Variants in TBX18 observed in about 807,000 individuals in gnomAD.
The protein encoded by TBX18 is T-box transcription factor 18.
TBX18 carries 21 observed loss-of-function variants against 55.0 expected under a neutral mutation model. The ratio of observed to expected loss-of-function variants is 0.38; its 90% CI spans 0.27 to 0.55. The LOEUF (loss-of-function observed/expected upper bound fraction) is 0.55. Ranked by LOEUF, TBX18 falls within the 20% of genes least tolerant of loss-of-function variation. The probability of loss-of-function intolerance (pLI) is 0.73; values close to 1 mark genes in which losing one functional copy is unlikely to be tolerated. For synonymous variants in TBX18, 342 were observed against 326.1 expected (o/e 1.05, Z -0.53); for missense variants, 840 against 799.6 (o/e 1.05, Z -0.61).
intron 4 of TBX18, among the ~76,000 whole-genome samples, chr6:84,752,627 A>G (rs1455278764): frequency 6.6e-6 from 1 of 152,232 alleles, no homozygotes; most frequent in Non-Finnish European, 1.5e-5. Context: ...CCCTCAGAGA[A>G]TGAAAGTGAC....
chr6:84,743,966 A>T (rs1308423221), intron 6 of TBX18, among the ~76,000 whole-genome samples: 5 of 152,216 alleles, frequency 3.3e-5, no homozygotes, highest in African/African-American at 1.2e-4. Flanking sequence ...TAATTAGGAT[A>T]CTGAAGCCTC....
At chr6:84,754,466 C>T (rs1767434166) in intron 4 of TBX18, among the ~76,000 whole-genome samples, 1 of 152,206 alleles carries the variant, frequency 6.6e-6, no homozygotes, top group South Asian at 2.1e-4. Flanking sequence ...TCAACTAGTA[C>T]ATCCTGCTAC....
chr6:84,746,839 A>G (rs1767208277), intron 5 of TBX18, among the ~76,000 whole-genome samples: 1 of 150,754 alleles, frequency 6.6e-6, no homozygotes, highest in Admixed American at 6.6e-5. Context: ...TTATATTATT[A>G]GCATGGTCCT....
In TBX18 at chr6:84,762,617, C is replaced by A; in HGVS notation, c.424G>T (p.Asp142Tyr). The change falls in exon 2 of 8, where the codon GAT becomes TAT. Residue 142 changes from aspartate to tyrosine, a missense_variant. Transcript: ENST00000369663. ...TTCCAGAGCTCGGCTCCCTGCAGAT[C>A]CACCCGCGGGGCCTGCGGCGAGGGC... ...PLPSPQAPRV[D>Y]LQGAELWKRF... 1 of 1,613,386 alleles carries A rather than the reference C, an allele frequency of 6.2e-7. No individual in the cohort carries two copies. Among genetic ancestry groups the A allele is most frequent in the Non-Finnish European group, 8.5e-7 (1 of 1,179,744 alleles).
At chr6:84,739,077 A>C (rs1353261978) in intron 6 of TBX18, among the ~76,000 whole-genome samples, 1 of 152,116 alleles carries the variant, frequency 6.6e-6, no homozygotes, top group African/African-American at 2.4e-5. Context: ...CAGCTCAGGG[A>C]AGCACTCCTC....
At chr6:84,763,011 C>G in intron 1 of TBX18, 1 of 540,164 alleles carries the variant, frequency 1.9e-6, no homozygotes, top group South Asian at 2.1e-5. Flanking sequence ...GCAGCGTCCA[C>G]CCCACCCGCT....
intron 1 of TBX18, among the ~76,000 whole-genome samples, 193 bp downstream of exon 1, chr6:84,763,697 G>C (rs1767724780): frequency 6.6e-6 from 1 of 152,166 alleles, no homozygotes; most frequent in Non-Finnish European, 1.5e-5. Context: ...CGCGAGGCGA[G>C]CCTGGAAGCA....
chr6:84,739,759 C>A (rs2127871994), intron 6 of TBX18, among the ~76,000 whole-genome samples: 1 of 152,288 alleles, frequency 6.6e-6, no homozygotes, highest in South Asian at 2.1e-4. Context: ...CCCAGAGAGT[C>A]ATACCACATA....
At chr6:84,737,457 C>G (rs768746239) in intron 7 of TBX18, 48 bp from the exon 8 acceptor site, 2 of 1,482,798 alleles carry the variant, frequency 1.3e-6, no homozygotes, top group South Asian at 2.9e-5. Context: ...GTCATCCTTT[C>G]CTTTCAATTT....
rs866674815 is a variant in TBX18, at chr6:84,736,079, T to C, written c.*606A>G. The C allele has an allele frequency of 3.3e-5, 5 of 152,436 alleles. No individual in the cohort carries two copies. Among genetic ancestry groups the C allele is most frequent in the Non-Finnish European group, 7.4e-5 (5 of 68,006 alleles). 9.4% of individuals were successfully genotyped at this position (152,436 alleles called of 1,614,324 possible). On this transcript the variant is annotated 3_prime_UTR_variant, in exon 8 of 8. Coordinates refer to ENST00000369663, the MANE Select transcript of TBX18 (RefSeq NM_001080508.3). ...TTAAGAAAATAACAATTATTATGGGTTATGATTTTTTTATAGACCCAAGGT... is the reference window on the plus strand; with the variant it reads ...TTAAGAAAATAACAATTATTATGGGCTATGATTTTTTTATAGACCCAAGGT...
rs138248960 is a variant in TBX18, at chr6:84,746,132, T to C, written c.939+1788A>G. Reference sequence around the variant, plus strand: ...CTTCTCAATGTTCACTAATTTGTGTTAGTCACAACATGTACCAAAAGCTGA... The same window carrying C: ...CTTCTCAATGTTCACTAATTTGTGTCAGTCACAACATGTACCAAAAGCTGA... On this transcript the variant is annotated intron_variant, in intron 5 of 7. Coordinates refer to ENST00000369663, the MANE Select transcript of TBX18 (RefSeq NM_001080508.3). Among the ~76,000 whole-genome samples, 555 of 152,180 alleles carry C rather than the reference T, an allele frequency of 3.6e-3. 4 individuals carry two copies. The highest frequency in any genetic ancestry group is 0.01 in the African/African-American group (432 of 41,540).
In TBX18 at chr6:84,738,847, A is replaced by G. The variant is rs858741; in HGVS notation, c.1005-256T>C. ...TCTCAGGAAAACTCAGCTGACCTGA[A>G]GGGTGAAAAGCTGTTCCCTTGGGCT... On this transcript the variant is annotated intron_variant, in intron 6 of 7. Coordinates refer to ENST00000369663, the MANE Select transcript of TBX18 (RefSeq NM_001080508.3). Among the ~76,000 whole-genome samples, 133,847 of 152,118 alleles carry G rather than the reference A, an allele frequency of 0.88. 59,060 individuals carry two copies. Among genetic ancestry groups the G allele is most frequent in the South Asian group, 0.96 (4,610 of 4,812 alleles).
At chr6:84,748,504 G>T (rs1031581552) in intron 4 of TBX18, among the ~76,000 whole-genome samples, 6 of 152,088 alleles carry the variant, frequency 3.9e-5, no homozygotes. Context: ...CACAGACAAG[G>T]TTTTTTTCAG....
intron 5 of TBX18, among the ~76,000 whole-genome samples, chr6:84,746,262 G>A (rs1042898499): frequency 7.2e-5 from 11 of 151,924 alleles, no homozygotes; most frequent in African/African-American, 2.2e-4. Context: ...GAGACAGAAA[G>A]AGGTGACGAA....
intron 7 of TBX18, among the ~76,000 whole-genome samples, 186 bp from the exon 8 acceptor site, chr6:84,737,595 C>G (rs920298920): frequency 2.6e-5 from 4 of 152,138 alleles, no homozygotes; most frequent in African/African-American, 9.7e-5. Context: ...AATTAGAAAA[C>G]AAGTTGTTGA....
intron 1 of TBX18, chr6:84,762,979 C>G: frequency 1.7e-6 from 1 of 577,370 alleles, no homozygotes; most frequent in Non-Finnish European, 3.1e-6. Flanking sequence ...CCCCAAGTCC[C>G]AAGCCCGGGA....
chr6:84,740,359 C>T (rs1767015639), intron 6 of TBX18, among the ~76,000 whole-genome samples: 1 of 152,052 alleles, frequency 6.6e-6, no homozygotes, highest in African/African-American at 2.4e-5. Flanking sequence ...TGCTAATCTC[C>T]CTGGACTTCA....
At chr6:84,746,495 T>A (rs1767194335) in intron 5 of TBX18, among the ~76,000 whole-genome samples, 1 of 146,788 alleles carries the variant, frequency 6.8e-6, no homozygotes, top group Admixed American at 6.9e-5. Flanking sequence ...TATTTATATA[T>A]TTATATTGAT....
intron 1 of TBX18, 140 bp from the exon 2 acceptor site, chr6:84,762,888 T>G: frequency 3.9e-6 from 3 of 775,166 alleles, no homozygotes; most frequent in Non-Finnish European, 6.3e-6. Context: ...CAGGTCCTCC[T>G]AAAGAACAAG....
Sources: allele counts gnomAD v4.1 joint callset (sites outside exome capture counted in the v4.1 genomes callset), GRCh38; gene constraint gnomAD v4.1.1; transcripts MANE v1.5; gene names NCBI Gene and HGNC (gene_info 2026-07-23, HGNC 2026-07-21).